The following LRRIQ1 variants were observed in gnomAD, a reference collection of about 807,000 sequenced individuals.
The protein encoded by LRRIQ1 is leucine-rich repeat- and IQ domain-containing protein 1.
LRRIQ1 carries 210 observed loss-of-function variants against 211.9 expected under a neutral mutation model. The observed-to-expected ratio is 0.99, with a 90% CI of 0.89 to 1.11. LRRIQ1 has a LOEUF of 1.11. Ranked by LOEUF, LRRIQ1 falls within the 50% of genes most tolerant of loss-of-function variation. LRRIQ1 has a pLI of 0.00. For synonymous variants in LRRIQ1, 699 were observed against 650.1 expected, an observed-to-expected ratio of 1.08 and a Z score of -1.14; for missense variants, 2,136 against 1,939.5, an observed-to-expected ratio of 1.10 and a Z score of -1.90.
At chr12:85,075,164 C>T (rs375933426) in intron 11 of LRRIQ1, among the ~76,000 whole-genome samples, 4 of 152,026 alleles carry the variant, frequency 2.6e-5, no homozygotes, top group South Asian at 4.2e-4. Flanking sequence ...TAAATATTTT[C>T]GGCTGGGCAC....
At chr12:85,269,647 C>G in the LRRIQ1 span, among the ~76,000 whole-genome samples, 16 of 152,094 alleles carry the variant, frequency 1.1e-4, no homozygotes, top group African/African-American at 3.9e-4. Flanking sequence ...ATTTCCTGAA[C>G]AAGCTAATCT....
downstream of LRRIQ1, among the ~76,000 whole-genome samples, chr12:85,245,300 G>C (rs1449069105): frequency 6.6e-6 from 1 of 151,264 alleles, no homozygotes; most frequent in East Asian, 1.9e-4. Flanking sequence ...TGTATGTAAA[G>C]ATAATTTCCA....
At position 85,104,010 on chromosome 12, in the gene LRRIQ1, T is replaced by C. The variant is rs1473388050; in HGVS notation, c.3216T>C (p.Thr1072=). ...TTTTTGTTTTTGTTTTCAGCTTGACTAAAATCGTACCACTTTTTCATTTTG... is the reference window on the plus strand; with the variant it reads ...TTTTTGTTTTTGTTTTCAGCTTGACCAAAATCGTACCACTTTTTCATTTTG... ...QNITISQNSL[T]KIVPLFHFVS... Residue 1072 remains threonine (T), a synonymous_variant, in exon 14 of 27, where the codon ACT becomes ACC. Transcript: ENST00000393217. The C allele has an allele frequency of 1.3e-6, 2 of 1,566,198 alleles. No individual in the cohort carries two copies. The highest frequency in any genetic ancestry group is 8.7e-7 in the Non-Finnish European group (1 of 1,155,390).
intron 22 of LRRIQ1, 99 bp from the exon 23 acceptor site, chr12:85,153,913 A>G: frequency 2.1e-6 from 2 of 962,616 alleles, no homozygotes; most frequent in South Asian, 1.8e-5. Context: ...CATTTATTTT[A>G]GTATGCTATA....
intron 25 of LRRIQ1, among the ~76,000 whole-genome samples, chr12:85,232,348 C>T (rs1035813615): frequency 3.3e-5 from 5 of 151,916 alleles, no homozygotes; most frequent in East Asian, 1.9e-4. Context: ...TTTGAAAAGA[C>T]GACTAAAACA....
chr12:85,227,154 C>G (rs548316536), intron 24 of LRRIQ1, among the ~76,000 whole-genome samples: 1 of 152,026 alleles, frequency 6.6e-6, no homozygotes, highest in Admixed American at 6.6e-5. Flanking sequence ...TACAGTCCCA[C>G]CAACAGTGTA....
intron 3 of LRRIQ1, among the ~76,000 whole-genome samples, chr12:85,042,939 G>A (rs1203735930): frequency 2.6e-5 from 4 of 152,040 alleles, no homozygotes; most frequent in African/African-American, 4.8e-5. Flanking sequence ...GATGATTGGG[G>A]TTCTCAGTTG....
intron 24 of LRRIQ1, among the ~76,000 whole-genome samples, chr12:85,201,022 G>T (rs1279308271): frequency 6.6e-6 from 1 of 151,624 alleles, no homozygotes; most frequent in African/African-American, 2.4e-5. Context: ...GTATAGACAG[G>T]GTTTCACCAT....
chr12:85,096,221 C>T (rs1219968750), intron 11 of LRRIQ1, among the ~76,000 whole-genome samples: 2 of 151,982 alleles, frequency 1.3e-5, no homozygotes, highest in African/African-American at 4.8e-5. Flanking sequence ...TTAGTTTGTT[C>T]TTGGTATTCT....
At position 85,077,234 on chromosome 12, in the gene LRRIQ1, C is replaced by A. The variant is rs541716614; in HGVS notation, c.2887+4136C>A. Among the ~76,000 whole-genome samples the A allele has an allele frequency of 2.6e-5, 4 of 152,246 alleles. No individual in the cohort carries two copies. In the South Asian group the frequency reaches 8.3e-4, roughly 32 times the overall value. On this transcript the variant is annotated intron_variant, in intron 11 of 26. Transcript: ENST00000393217. Reference sequence around the variant, plus strand: ...CAGGAATGTTTTATTAGACCATTGGCTCATTTCTGTGGGAAGAATTATTTG... The same window carrying A: ...CAGGAATGTTTTATTAGACCATTGGATCATTTCTGTGGGAAGAATTATTTG...
chr12:85,261,760 G>T (rs1593036496), intron 1 of LRRIQ1, among the ~76,000 whole-genome samples: 1 of 121,280 alleles, frequency 8.2e-6, no homozygotes, highest in Non-Finnish European at 1.8e-5. Context: ...TTATTTTTTT[G>T]TTTATTTTAT....
At chr12:85,220,095 A>T (rs548275906) in intron 24 of LRRIQ1, among the ~76,000 whole-genome samples, 1 of 152,286 alleles carries the variant, frequency 6.6e-6, no homozygotes, top group South Asian at 2.1e-4. Context: ...CCGACATAAG[A>T]TACATAGAAT....
At chr12:85,133,993 C>G (rs562771228) in intron 18 of LRRIQ1, among the ~76,000 whole-genome samples, 1 of 152,224 alleles carries the variant, frequency 6.6e-6, no homozygotes, top group East Asian at 1.9e-4. Flanking sequence ...GTATCAGCAT[C>G]TTCCAACTCC....
intron 19 of LRRIQ1, among the ~76,000 whole-genome samples, chr12:85,144,094 T>C (rs1889726870): frequency 6.6e-6 from 1 of 151,568 alleles, no homozygotes. Context: ...GGCCCCAGTG[T>C]CTGTTGTTCC....
chr12:85,170,739 A>G (rs771672749), intron 24 of LRRIQ1, among the ~76,000 whole-genome samples: 15 of 151,990 alleles, frequency 9.9e-5, no homozygotes, highest in Non-Finnish European at 2.1e-4. Flanking sequence ...GAGAACAACT[A>G]CAAAAGCTGG....
At chr12:85,236,832 T>TATATATATATATATATATATAC (rs774098142) in intron 26 of LRRIQ1, among the ~76,000 whole-genome samples, 1 of 128,698 alleles carries the variant, frequency 7.8e-6, no homozygotes, top group African/African-American at 3.4e-5. Context: ...TATGTGTGCA[T>TATATATATATATATATATATAC]ATATATATAT....
At chr12:85,074,046 A>G (rs772520549) in intron 11 of LRRIQ1, among the ~76,000 whole-genome samples, 38 of 152,028 alleles carry the variant, frequency 2.5e-4, no homozygotes, top group Non-Finnish European at 5.0e-4. Context: ...TTTGTTTCTA[A>G]TTCTTACTGT....
intron 19 of LRRIQ1, among the ~76,000 whole-genome samples, chr12:85,144,921 T>A (rs1889786700): frequency 6.6e-6 from 1 of 151,660 alleles, no homozygotes; most frequent in African/African-American, 2.4e-5. Context: ...GTAATTGAAT[T>A]GTTTTGTTTG....
chr12:85,146,533 G>A (rs1779839609), intron 19 of LRRIQ1, among the ~76,000 whole-genome samples: 1 of 151,588 alleles, frequency 6.6e-6, no homozygotes, highest in South Asian at 2.1e-4. Flanking sequence ...TTTTGTTTTT[G>A]TTTTTGAAGG....
Sources: allele counts gnomAD v4.1 joint callset (sites outside exome capture counted in the v4.1 genomes callset), GRCh38; gene constraint gnomAD v4.1.1; transcripts MANE v1.5; gene names NCBI Gene and HGNC (gene_info 2026-07-23, HGNC 2026-07-21).